SCP2: variants seen among roughly 807,000 people sequenced by gnomAD.
SCP2 encodes the protein sterol carrier protein 2.
In SCP2, 48 loss-of-function variants were observed where a neutral mutation model predicts 71.4. The observed-to-expected ratio is 0.67, with a 90% CI of 0.53 to 0.86. The LOEUF (loss-of-function observed/expected upper bound fraction) is 0.86, where lower values mean the gene tolerates loss of function less well. Among genes scored for constraint, SCP2 ranks in the 40% least tolerant of loss-of-function variants. SCP2 has a pLI of 0.00. For synonymous variants in SCP2, 220 were observed against 218.1 expected (o/e 1.01, Z -0.08); for missense variants, 560 against 655.6 (o/e 0.85, Z 1.59).
At chr1:52,990,090 G>A (rs567133719) in intron 11 of SCP2, among the ~76,000 whole-genome samples, 1 of 152,156 alleles carries the variant, frequency 6.6e-6, no homozygotes, top group East Asian at 1.9e-4. Flanking sequence ...AGTAGCTGAG[G>A]GAAGAGAAAA....
intron 11 of SCP2, among the ~76,000 whole-genome samples, chr1:52,992,975 G>A (rs1292694937): frequency 1.3e-5 from 2 of 152,124 alleles, no homozygotes; most frequent in East Asian, 1.9e-4. Context: ...TATTTTAAAG[G>A]AATCAGATAA....
chr1:53,037,950 TACACACACACACACACACACAC>T (rs67763248), intron 13 of SCP2, among the ~76,000 whole-genome samples: 1 of 120,420 alleles, frequency 8.3e-6, no homozygotes, highest in Non-Finnish European at 1.7e-5. Flanking sequence ...CCTGTCTCTA[TACACACACACACACACACACAC>T]ACACACACAC....
At chr1:52,994,219 G>A (rs1295422027) in intron 11 of SCP2, 2 of 1,018,808 alleles carry the variant, frequency 2.0e-6, no homozygotes, top group South Asian at 4.0e-5. Flanking sequence ...TATTCCTGTG[G>A]TATGGTCACT....
chr1:52,940,902 G>A (rs567063442), intron 1 of SCP2, among the ~76,000 whole-genome samples: 1 of 152,118 alleles, frequency 6.6e-6, no homozygotes, highest in East Asian at 1.9e-4. Context: ...GGCGTATACC[G>A]CCATGCCTGG....
intron 12 of SCP2, among the ~76,000 whole-genome samples, chr1:53,026,894 G>A (rs1662169033): frequency 6.6e-6 from 1 of 151,732 alleles, no homozygotes; most frequent in Non-Finnish European, 1.5e-5. Context: ...ACATACATGA[G>A]AGGAGAGGGG....
At chr1:52,975,585 G>A (rs1409073094) in intron 7 of SCP2, among the ~76,000 whole-genome samples, 1 of 151,936 alleles carries the variant, frequency 6.6e-6, no homozygotes, top group Non-Finnish European at 1.5e-5. Flanking sequence ...GGGGTTACAG[G>A]TGTGAGCCAC....
chr1:52,975,191 A>T (rs755610867), intron 7 of SCP2, among the ~76,000 whole-genome samples: 19 of 147,432 alleles, frequency 1.3e-4, no homozygotes, highest in Admixed American at 6.1e-4. Context: ...TATTATTATT[A>T]TTTTTTTTAG....
Position 53,039,031 on chromosome 1 carries a change from G to A in SCP2, c.1453G>A (p.Val485Met). Residue 485 changes from valine (V) to methionine (M), a missense_variant, in exon 14 of 16, where the codon GTG becomes ATG. Val to Met is a conservative substitution (Grantham distance 21). This residue lies in a region of SCP2 where 4 missense variants were observed against 16.6 expected (regional missense o/e 0.24). Coordinates refer to ENST00000371514, the MANE Select transcript of SCP2 (RefSeq NM_002979.5). ...VVDVKNGKGS[V>M]LPNSDKKADC... is the part of the protein sequence containing the mutation. ...GGATGTGAAGAATGGCAAAGGATCA[G>A]TGCTTCCTAACTCAGGTTAGTTTGG... is the stretch of plus-strand genomic sequence containing the variant. The A allele has an allele frequency of 6.2e-7, 1 of 1,614,238 alleles. No homozygotes were observed. The highest frequency in any genetic ancestry group is 8.5e-7 in the Non-Finnish European group (1 of 1,180,034).
chr1:53,041,033 T>C (rs978793734), intron 14 of SCP2, among the ~76,000 whole-genome samples: 21 of 152,190 alleles, frequency 1.4e-4, no homozygotes, highest in African/African-American at 4.3e-4. Flanking sequence ...TGTACTGTTA[T>C]GCTTCTCTTG....
At chr1:52,978,850 C>G (rs1658219317) in intron 9 of SCP2, among the ~76,000 whole-genome samples, 1 of 152,122 alleles carries the variant, frequency 6.6e-6, no homozygotes, top group Admixed American at 6.6e-5. Context: ...GCGTGAATCA[C>G]CACACACTGC....
chr1:53,028,150 G>T lies in SCP2; in HGVS notation c.1338+79G>T, dbSNP rs17107643. 86,418 of 780,468 alleles carry T rather than the reference G, an allele frequency of 0.11. 7,757 individuals carry two copies. Among genetic ancestry groups the T allele is most frequent in the East Asian group, 0.32 (12,322 of 38,074 alleles). The allele number at this position is 780,468 out of a possible 1,614,324, so 48.3% of individuals were successfully genotyped here. On this transcript the variant is annotated intron_variant, in intron 13 of 15. Coordinates refer to ENST00000371514, the MANE Select transcript of SCP2 (RefSeq NM_002979.5). ...ACACAGGTTTCAGGTGTTGCCACGAGGTGGTACAATTGAAAATTTATATCA... is the reference window on the plus strand; with the variant it reads ...ACACAGGTTTCAGGTGTTGCCACGATGTGGTACAATTGAAAATTTATATCA...
At chr1:53,007,397 T>G (rs899681471) in intron 11 of SCP2, among the ~76,000 whole-genome samples, 22 of 152,192 alleles carry the variant, frequency 1.4e-4, no homozygotes, top group African/African-American at 5.1e-4. Context: ...CCTCAGCAAA[T>G]GTAAAAGAAC....
chr1:53,020,908 A>C (rs1281471310), intron 12 of SCP2, among the ~76,000 whole-genome samples: 1 of 152,182 alleles, frequency 6.6e-6, no homozygotes, highest in East Asian at 1.9e-4. Context: ...GACCGTCTCC[A>C]GTCAGAACAA....
intron 1 of SCP2, among the ~76,000 whole-genome samples, chr1:52,930,998 A>G (rs1258450120): frequency 6.6e-6 from 1 of 152,248 alleles, no homozygotes; most frequent in Non-Finnish European, 1.5e-5. Flanking sequence ...AAAAGAATAA[A>G]CAAGTAGTTT....
rs191548921 is a variant in SCP2, at chr1:53,015,653, A to T, written c.1235+610A>T. On this transcript the variant is annotated intron_variant, in intron 12 of 15. Coordinates refer to ENST00000371514, the MANE Select transcript of SCP2 (RefSeq NM_002979.5). ...TTGTTCCATGCTTTTGTTTCCAGTCACTTTCTGTAACTTGGTTATCTTTCC... is the reference window on the plus strand; with the variant it reads ...TTGTTCCATGCTTTTGTTTCCAGTCTCTTTCTGTAACTTGGTTATCTTTCC... 2.7e-3 allele frequency among the ~76,000 whole-genome samples: 415 copies of T among 152,110 alleles called. 4 individuals carry two copies. Among genetic ancestry groups the T allele is most frequent in the African/African-American group, 9.7e-3 (404 of 41,476 alleles).
At chr1:53,006,871 G>C (rs1393509386) in intron 11 of SCP2, among the ~76,000 whole-genome samples, 1 of 152,116 alleles carries the variant, frequency 6.6e-6, no homozygotes, top group African/African-American at 2.4e-5. Context: ...TCAGTGTGCT[G>C]TATTCAGGAG....
chr1:52,960,504 G>GTATATATATA (rs1656255423), intron 5 of SCP2, among the ~76,000 whole-genome samples: 1 of 138,394 alleles, frequency 7.2e-6, no homozygotes, highest in African/African-American at 2.8e-5. Context: ...GTGTGTGTGT[G>GTATATATATA]TGTGTGTGTG....
intron 12 of SCP2, among the ~76,000 whole-genome samples, chr1:53,024,776 TGGCCA>T (rs1351712777): frequency 6.6e-6 from 1 of 152,080 alleles, no homozygotes; most frequent in Non-Finnish European, 1.5e-5. Context: ...TTCACTATGT[TGGCCA>T]GGCTGGTCTC....
chr1:52,960,562 GTATGTATATA>G (rs781601040), intron 5 of SCP2, among the ~76,000 whole-genome samples: 6 of 143,058 alleles, frequency 4.2e-5, no homozygotes, highest in Non-Finnish European at 9.0e-5. Flanking sequence ...GTGTATATAT[GTATGTATATA>G]TATGTATATA....
Sources: allele counts gnomAD v4.1 joint callset (sites outside exome capture counted in the v4.1 genomes callset), GRCh38; gene constraint gnomAD v4.1.1; regional missense constraint gnomAD v4.1.1; transcripts MANE v1.5; gene names NCBI Gene and HGNC (gene_info 2026-07-23, HGNC 2026-07-21).